The following STAP2 variants were observed in gnomAD, a reference collection of about 807,000 sequenced individuals.
STAP2 encodes the protein signal transducing adaptor family member 2.
A neutral mutation model predicts 52.7 loss-of-function variants in STAP2; 58 were observed. The observed-to-expected ratio is 1.10, with a 90% CI of 0.89 to 1.37. STAP2 has a LOEUF of 1.37. Ranked by LOEUF, STAP2 falls within the 40% of genes most tolerant of loss-of-function variation. The pLI is 0.00. For synonymous variants in STAP2, 231 were observed against 210.5 expected, an observed-to-expected ratio of 1.10 and a Z score of -0.84; for missense variants, 522 against 519.4, an observed-to-expected ratio of 1.00 and a Z score of -0.05.
intron 1 of STAP2, among the ~76,000 whole-genome samples, 181 bp from the exon 2 acceptor site, chr19:4,334,225 C>G (rs1190746256): frequency 6.6e-6 from 1 of 152,106 alleles, no homozygotes; most frequent in Non-Finnish European, 1.5e-5. Flanking sequence ...AGATCCTCCC[C>G]ACCCATGGCC....
chr19:4,337,713 C>T (rs58567213), intron 1 of STAP2, among the ~76,000 whole-genome samples: 55,387 of 151,672 alleles, frequency 0.37, 10,338 homozygotes, highest in East Asian at 0.53. Context: ...TGTGGTGGTG[C>T]GTACCTGTAA....
At chr19:4,327,948 C>G (rs1179698927) in intron 6 of STAP2, among the ~76,000 whole-genome samples, 1 of 151,984 alleles carries the variant, frequency 6.6e-6, no homozygotes, top group African/African-American at 2.4e-5. Flanking sequence ...GGCCATGACT[C>G]CCCCCCGTAG....
chr19:4,326,679 G>C (rs1277558257), intron 9 of STAP2, among the ~76,000 whole-genome samples: 1 of 151,768 alleles, frequency 6.6e-6, no homozygotes. Flanking sequence ...AACTCTAGGC[G>C]CCTCCCCCGA....
chr19:4,332,739 G>A (rs537417880), intron 3 of STAP2, among the ~76,000 whole-genome samples: 52 of 151,902 alleles, frequency 3.4e-4, no homozygotes, highest in Non-Finnish European at 6.9e-4. Flanking sequence ...TAGGAGGATC[G>A]ATCGCTTGAG....
intron 1 of STAP2, 32 bp from the exon 2 acceptor site, chr19:4,334,076 AGCTG>A: frequency 6.3e-7 from 1 of 1,583,700 alleles, no homozygotes; most frequent in Non-Finnish European, 8.6e-7. Context: ...AGAAGAGGTG[AGCTG>A]GCCAAGCTGA....
intron 3 of STAP2, 101 bp from the exon 4 acceptor site, chr19:4,332,179 TC>T (rs376530979): frequency 3.9e-6 from 3 of 777,678 alleles, no homozygotes; most frequent in South Asian, 2.0e-5. Context: ...AGGGCCGTTT[TC>T]TTTTTTCTTT....
intron 8 of STAP2, 25 bp from the exon 9 acceptor site, chr19:4,327,032 G>A (rs758835854): frequency 6.3e-7 from 1 of 1,584,972 alleles, no homozygotes; most frequent in Non-Finnish European, 8.6e-7. Flanking sequence ...GCGGCCTGGA[G>A]GAAGCGCGGC....
At chr19:4,336,939 C>G (rs1326599487) in intron 1 of STAP2, among the ~76,000 whole-genome samples, 1 of 151,996 alleles carries the variant, frequency 6.6e-6, no homozygotes, top group African/African-American at 2.4e-5. Context: ...CGGCCTCCCC[C>G]ATTATCTTTC....
At chr19:4,334,121 G>T in intron 1 of STAP2, 77 bp from the exon 2 acceptor site, 1 of 1,307,628 alleles carries the variant, frequency 7.6e-7, no homozygotes, top group Non-Finnish European at 1.1e-6. Context: ...CCTGTCTCGG[G>T]GCCTTTGCAC....
chr19:4,325,059 A>G (rs912115119), intron 11 of STAP2, 157 bp downstream of exon 11: 5 of 635,306 alleles, frequency 7.9e-6, no homozygotes, highest in Admixed American at 5.5e-5. Context: ...GAATGGCGTG[A>G]ACCCAGGAGG....
intron 1 of STAP2, among the ~76,000 whole-genome samples, chr19:4,334,332 G>C (rs980271818): frequency 2.6e-5 from 4 of 152,114 alleles, no homozygotes; most frequent in Non-Finnish European, 5.9e-5. Flanking sequence ...ATAGAGATGG[G>C]TGCTCTAGGG....
intron 4 of STAP2, among the ~76,000 whole-genome samples, chr19:4,330,415 G>T (rs1339905081): frequency 6.6e-6 from 1 of 151,726 alleles, no homozygotes; most frequent in Non-Finnish European, 1.5e-5. Context: ...CCAGCTACTC[G>T]GGAGGCTGGG....
intron 1 of STAP2, among the ~76,000 whole-genome samples, chr19:4,335,964 G>A (rs577371626): frequency 4.4e-4 from 67 of 152,246 alleles, no homozygotes; most frequent in African/African-American, 1.6e-3. Context: ...GTGGAGCCGG[G>A]ATTAGAACCT....
intron 4 of STAP2, 43 bp downstream of exon 4, chr19:4,331,979 T>G: frequency 1.9e-6 from 3 of 1,581,434 alleles, no homozygotes; most frequent in Non-Finnish European, 1.7e-6. Flanking sequence ...TTTGAGGAGA[T>G]CTGGAGAATG....
At chr19:4,334,906 C>T (rs978200392) in intron 1 of STAP2, among the ~76,000 whole-genome samples, 31 of 147,632 alleles carry the variant, frequency 2.1e-4, no homozygotes, top group Admixed American at 5.4e-4. Flanking sequence ...TCCATCCACC[C>T]ATCCATCCAT....
chr19:4,329,299 G>A (rs532287374), intron 5 of STAP2, among the ~76,000 whole-genome samples: 76 of 151,456 alleles, frequency 5.0e-4, no homozygotes, highest in Admixed American at 1.4e-3. Context: ...TAGAGATGGG[G>A]TCTCGCTATG....
chr19:4,324,197 C>T lies in STAP2; in HGVS notation c.1148G>A (p.Gly383Glu), dbSNP rs1971744499. The change falls in exon 13 of 13, where the codon GGG becomes GAG. Residue 383 changes from glycine (G) to glutamate (E), a missense_variant and splice_region_variant. Physicochemically the swap from Gly to Glu is moderately conservative, Grantham distance 98. Transcript: ENST00000594605. ...SSAQPLFPTA[G>E]LADMTAELQK... The stretch of plus-strand genomic sequence containing the variant: ...TAGCTCTGCCGTCATGTCTGCCAGC[C>T]CTGGGGGTTCAGGACCAGGAGCTGC... 2 of 1,551,092 alleles carry T rather than the reference C, an allele frequency of 1.3e-6. No individual in the cohort carries two copies. The highest frequency in any genetic ancestry group is 1.7e-6 in the Non-Finnish European group (2 of 1,146,986).
rs149777118 is a variant in STAP2, at chr19:4,336,295, G to A, written c.103-2251C>T. On this transcript the variant is annotated intron_variant, in intron 1 of 12. Transcript: ENST00000594605. ...CTCCCAAAGTGTTGGGATTACAGGCGTGAGCCACTGCACACTGCCTTTTTT... is the reference window on the plus strand; with the variant it reads ...CTCCCAAAGTGTTGGGATTACAGGCATGAGCCACTGCACACTGCCTTTTTT... Among the ~76,000 whole-genome samples the A allele has an allele frequency of 7.1e-3, 1,043 of 147,860 alleles. 20 individuals are homozygous for A. Among genetic ancestry groups the A allele is most frequent in the African/African-American group, 0.025 (987 of 39,936 alleles).
intron 3 of STAP2, among the ~76,000 whole-genome samples, chr19:4,333,010 T>C (rs1238840541): frequency 2.0e-5 from 3 of 151,054 alleles, no homozygotes; most frequent in South Asian, 2.1e-4. Flanking sequence ...GCCAACATGG[T>C]GAAACCCTGT....
Sources: gnomAD v4.1 joint callset for allele counts (sites outside exome capture counted in the v4.1 genomes callset) on GRCh38, gnomAD v4.1.1 for gene constraint, MANE v1.5 for transcripts, NCBI Gene and HGNC (gene_info 2026-07-23, HGNC 2026-07-21) for gene names.